The following USH2A variants were observed in gnomAD, a reference collection of about 807,000 sequenced individuals.
The protein encoded by USH2A is usherin.
In USH2A, 443 loss-of-function variants were observed where a neutral mutation model predicts 538.9. That is an observed-to-expected ratio of 0.82 (90% confidence interval 0.76 to 0.89). The LOEUF is 0.89. Ranked by LOEUF, USH2A falls within the 40% of genes least tolerant of loss-of-function variation. USH2A has a pLI of 0.00. For synonymous variants in USH2A, 2,413 were observed against 2,273.5 expected (o/e 1.06, Z -1.75); for missense variants, 6,633 against 6,324.8 (o/e 1.05, Z -1.65).
intron 37 of USH2A, among the ~76,000 whole-genome samples, chr1:215,961,666 T>C (rs772611170): frequency 1.3e-5 from 2 of 151,814 alleles, no homozygotes; most frequent in Non-Finnish European, 2.9e-5. Flanking sequence ...ACCTTGATAA[T>C]GTAAATAAAG....
chr1:215,707,208 G>A (rs2102694908), intron 61 of USH2A, among the ~76,000 whole-genome samples: 1 of 152,274 alleles, frequency 6.6e-6, no homozygotes, highest in South Asian at 2.1e-4. Flanking sequence ...TCTTAGCAGA[G>A]AGGCAGAAAT....
chr1:216,309,907 G>A (rs2037388406), intron 9 of USH2A, among the ~76,000 whole-genome samples: 1 of 152,040 alleles, frequency 6.6e-6, no homozygotes, highest in Non-Finnish European at 1.5e-5. Flanking sequence ...TCTTGGTTCT[G>A]ATATATAATT....
At chr1:216,402,210 T>C (rs1410600659) in intron 3 of USH2A, among the ~76,000 whole-genome samples, 1 of 152,142 alleles carries the variant, frequency 6.6e-6, no homozygotes, top group African/African-American at 2.4e-5. Flanking sequence ...ACTGAATGTG[T>C]TCTCTGATTG....
intron 39 of USH2A, among the ~76,000 whole-genome samples, chr1:215,900,480 G>A (rs941078774): frequency 2.6e-5 from 4 of 152,062 alleles, no homozygotes; most frequent in Non-Finnish European, 5.9e-5. Context: ...ATTTGTTAGC[G>A]ACAGTTCAGA....
At chr1:215,990,674 AGAGGCCTACGG>A (rs1171228097) in intron 35 of USH2A, among the ~76,000 whole-genome samples, 2 of 152,152 alleles carry the variant, frequency 1.3e-5, no homozygotes, top group African/African-American at 4.8e-5. Flanking sequence ...TCATGGAATA[AGAGGCCTACGG>A]TTAGCCTAGA....
chr1:215,964,861 T>C (rs1185865692), intron 37 of USH2A, among the ~76,000 whole-genome samples: 1 of 152,196 alleles, frequency 6.6e-6, no homozygotes, highest in Non-Finnish European at 1.5e-5. Flanking sequence ...ATTACTAAGA[T>C]AGTTCAGAAA....
At chr1:216,193,451 T>G (rs914276044) in intron 19 of USH2A, among the ~76,000 whole-genome samples, 2 of 152,078 alleles carry the variant, frequency 1.3e-5, no homozygotes, top group Non-Finnish European at 2.9e-5. Flanking sequence ...TGTACATGGG[T>G]TCTGGTCTCC....
intron 40 of USH2A, 89 bp downstream of exon 40, chr1:215,899,986 G>T: frequency 6.4e-7 from 1 of 1,573,800 alleles, no homozygotes; most frequent in Non-Finnish European, 8.7e-7. Context: ...AAATAAGGGA[G>T]GCTCATTTCT....
At position 216,198,522 on chromosome 1, in the gene USH2A, C is replaced by G; in HGVS notation, c.3874G>C (p.Glu1292Gln). ...CTGCTCTGAAAAACTCGACTTTCCT[C>G]AGATGTGGTTTCTTTAGTAGATCTC... ...RLRSTKETTS[E>Q]ESRVFQSSGW... The change falls in exon 18 of 72, where the codon GAG (glutamate) becomes CAG (glutamine). Residue 1292 changes from glutamate (E) to glutamine (Q), a missense_variant. Transcript: ENST00000307340. 6.2e-7 allele frequency: 1 copy of G among 1,613,938 alleles called. No homozygotes were observed. The highest frequency in any genetic ancestry group is 8.5e-7 in the Non-Finnish European group (1 of 1,179,946).
chr1:215,951,292 T>C (rs1666905875), intron 37 of USH2A, among the ~76,000 whole-genome samples: 1 of 152,246 alleles, frequency 6.6e-6, no homozygotes, highest in Non-Finnish European at 1.5e-5. Flanking sequence ...TTTTTATTTC[T>C]GCCTTCATTT....
intron 12 of USH2A, among the ~76,000 whole-genome samples, chr1:216,249,059 T>C (rs2036107069): frequency 6.6e-6 from 1 of 152,134 alleles, no homozygotes; most frequent in South Asian, 2.1e-4. Flanking sequence ...CATACACTTG[T>C]ATTTTCTGGG....
chr1:216,269,481 C>T (rs980615434), intron 11 of USH2A, among the ~76,000 whole-genome samples: 9 of 152,010 alleles, frequency 5.9e-5, no homozygotes, highest in African/African-American at 1.9e-4. Context: ...AGTGTGAAAA[C>T]GGACTAATAC....
At chr1:216,229,317 T>G (rs141400229) in intron 14 of USH2A, among the ~76,000 whole-genome samples, 33 of 152,110 alleles carry the variant, frequency 2.2e-4, no homozygotes, top group African/African-American at 7.9e-4. Flanking sequence ...CTCTCTCTTT[T>G]TTGCTTTTTT....
chr1:215,878,123 A>G (rs1385133888), intron 42 of USH2A, among the ~76,000 whole-genome samples: 2 of 152,162 alleles, frequency 1.3e-5, no homozygotes, highest in African/African-American at 4.8e-5. Context: ...TCCCAGAATG[A>G]TAGCATTTTA....
intron 15 of USH2A, among the ~76,000 whole-genome samples, chr1:216,207,839 T>C (rs1273290585): frequency 6.6e-6 from 1 of 152,074 alleles, no homozygotes; most frequent in Non-Finnish European, 1.5e-5. Context: ...CTTTGGGTTT[T>C]TGAGAGGAAG....
chr1:216,136,821 A>G (rs1354806057), intron 21 of USH2A, among the ~76,000 whole-genome samples: 1 of 152,172 alleles, frequency 6.6e-6, no homozygotes, highest in Non-Finnish European at 1.5e-5. Context: ...AGGAACATCA[A>G]AGATTGCCAG....
At chr1:216,111,133 G>T (rs1035096728) in intron 21 of USH2A, among the ~76,000 whole-genome samples, 16 of 152,014 alleles carry the variant, frequency 1.1e-4, no homozygotes, top group African/African-American at 3.6e-4. Flanking sequence ...TTGCGGCAAG[G>T]TAAACACTTG....
At chr1:216,115,773 T>C (rs1012644888) in intron 21 of USH2A, among the ~76,000 whole-genome samples, 5 of 151,600 alleles carry the variant, frequency 3.3e-5, no homozygotes, top group Non-Finnish European at 5.9e-5. Flanking sequence ...TGGAAAACAA[T>C]TGTGTCTCAA....
intron 24 of USH2A, among the ~76,000 whole-genome samples, chr1:216,085,300 A>G (rs912003776): frequency 5.3e-5 from 8 of 152,182 alleles, no homozygotes; most frequent in Non-Finnish European, 1.0e-4. Flanking sequence ...AAGTAAATCA[A>G]TAATTTGGCT....
Sources: gnomAD v4.1 joint callset for allele counts (sites outside exome capture counted in the v4.1 genomes callset) on GRCh38, gnomAD v4.1.1 for gene constraint, MANE v1.5 for transcripts, NCBI Gene and HGNC (gene_info 2026-07-23, HGNC 2026-07-21) for gene names.